The following RGS6 variants were observed in gnomAD, a reference collection of about 807,000 sequenced individuals.
RGS6 encodes the protein regulator of G protein signaling 6.
A neutral mutation model predicts 78.5 loss-of-function variants in RGS6; 30 were observed. The ratio of observed to expected loss-of-function variants is 0.38; its 90% CI spans 0.29 to 0.52. RGS6 has a LOEUF of 0.52. Ranked by LOEUF, RGS6 falls within the 20% of genes least tolerant of loss-of-function variation. The pLI is 0.85. For missense variants in RGS6, 495 were observed against 609.7 expected (o/e 0.81, Z 1.98); for synonymous variants, 206 against 206.0 (o/e 1.00, Z 0.00).
intron 2 of RGS6, among the ~76,000 whole-genome samples, chr14:72,145,182 C>T (rs909666443): frequency 2.0e-5 from 3 of 152,076 alleles, no homozygotes; most frequent in Non-Finnish European, 4.4e-5. Context: ...TCCCCAGGAG[C>T]AATTTGGGGA....
intron 2 of RGS6, among the ~76,000 whole-genome samples, chr14:72,241,896 C>A (rs897704394): frequency 4.6e-5 from 7 of 152,198 alleles, no homozygotes; most frequent in African/African-American, 1.4e-4. Context: ...GCGGCCATGC[C>A]ATTTAATATA....
At chr14:72,484,314 T>TTTGA (rs1346713641) in intron 12 of RGS6, among the ~76,000 whole-genome samples, 1 of 152,182 alleles carries the variant, frequency 6.6e-6, no homozygotes, top group Non-Finnish European at 1.5e-5. Flanking sequence ...ATTTTGTTTG[T>TTTGA]TTGTTTGTTT....
At chr14:72,382,420 G>GA (rs1281392141) in intron 3 of RGS6, among the ~76,000 whole-genome samples, 1 of 152,074 alleles carries the variant, frequency 6.6e-6, no homozygotes, top group Non-Finnish European at 1.5e-5. Flanking sequence ...CACTAAACTG[G>GA]AAAAAATTAG....
At chr14:72,196,285 G>A (rs1248729581) in intron 2 of RGS6, among the ~76,000 whole-genome samples, 1 of 152,150 alleles carries the variant, frequency 6.6e-6, no homozygotes, top group African/African-American at 2.4e-5. Flanking sequence ...GAGATGGAGA[G>A]GAGAGGCTGT....
chr14:72,331,626 TCTCTCTCTCCATTCCAGTCATTCA>T (rs1035117871), intron 2 of RGS6, among the ~76,000 whole-genome samples: 3 of 152,172 alleles, frequency 2.0e-5, no homozygotes, highest in African/African-American at 7.2e-5. Flanking sequence ...ATCCTCTCTC[TCTCTCTCTCCATTCCAGTCATTCA>T]CTCTCTCCCC....
At position 72,466,156 on chromosome 14, in the gene RGS6, G is replaced by A. The variant is rs74380187; in HGVS notation, c.459+334G>A. Among the ~76,000 whole-genome samples, 1,162 of 152,272 alleles carry A rather than the reference G, an allele frequency of 7.6e-3. 14 individuals carry two copies. The highest frequency in any genetic ancestry group is 0.027 in the African/African-American group (1,102 of 41,552). On this transcript the variant is annotated intron_variant, in intron 7 of 17. Coordinates refer to ENST00000553525, the MANE Select transcript of RGS6 (RefSeq NM_001204424.2). ...GATGTCCAATATTATTAGCCATTTA[G>A]GAAATGCAGATTAAATCCGTGGTGA...
chr14:72,562,795 G>A lies in RGS6; in HGVS notation c.*328G>A, dbSNP rs781671647. ...GAACACGTCGTGGGGTTCCTGTCACGACTATCACTTGAGATTATATTATTA... is the reference window on the plus strand; with the variant it reads ...GAACACGTCGTGGGGTTCCTGTCACAACTATCACTTGAGATTATATTATTA... On this transcript the variant is annotated 3_prime_UTR_variant, in exon 18 of 18. Coordinates refer to ENST00000553525, the MANE Select transcript of RGS6 (RefSeq NM_001204424.2). The A allele has an allele frequency of 3.8e-4, 565 of 1,472,720 alleles. No homozygotes were observed. Among genetic ancestry groups the A allele is most frequent in the Non-Finnish European group, 4.6e-4 (502 of 1,089,282 alleles). 91.2% of individuals were successfully genotyped at this position (1,472,720 alleles called of 1,614,324 possible).
intron 2 of RGS6, among the ~76,000 whole-genome samples, chr14:72,010,279 G>A (rs1020337284): frequency 6.6e-6 from 1 of 152,022 alleles, no homozygotes; most frequent in African/African-American, 2.4e-5. Context: ...TCATATGATT[G>A]CCTTGAGGAA....
intron 2 of RGS6, among the ~76,000 whole-genome samples, chr14:72,087,543 G>A (rs1016333977): frequency 6.6e-6 from 1 of 152,012 alleles, no homozygotes; most frequent in African/African-American, 2.4e-5. Context: ...ACTAATGACT[G>A]TGAGTGAAAA....
intron 3 of RGS6, among the ~76,000 whole-genome samples, chr14:72,407,948 C>A (rs899780037): frequency 6.6e-6 from 1 of 152,204 alleles, no homozygotes; most frequent in Non-Finnish European, 1.5e-5. Flanking sequence ...AACTATGAAA[C>A]CTCCAGGCTT....
intron 12 of RGS6, among the ~76,000 whole-genome samples, chr14:72,493,469 A>G (rs1019961506): frequency 1.3e-5 from 2 of 150,628 alleles, no homozygotes; most frequent in African/African-American, 4.9e-5. Context: ...GGGAGGGAAA[A>G]TAAACAATTC....
At chr14:72,544,366 C>G (rs2097364752) in intron 17 of RGS6, among the ~76,000 whole-genome samples, 1 of 152,196 alleles carries the variant, frequency 6.6e-6, no homozygotes, top group Non-Finnish European at 1.5e-5. Flanking sequence ...TGGTGTCAGC[C>G]TCCCTGGGTA....
intron 2 of RGS6, among the ~76,000 whole-genome samples, chr14:71,979,826 CT>C (rs1321794877): frequency 6.6e-6 from 1 of 151,796 alleles, no homozygotes; most frequent in Admixed American, 6.6e-5. Flanking sequence ...TGTGGACTTT[CT>C]ATCTCATTGA....
chr14:72,536,124 T>C, intron 15 of RGS6, 62 bp from the exon 16 acceptor site: 1 of 1,225,314 alleles, frequency 8.2e-7, no homozygotes, highest in Non-Finnish European at 1.2e-6. Flanking sequence ...AATTGGATTG[T>C]AATATTCTTT....
At chr14:72,350,520 G>A (rs1345521795) in intron 2 of RGS6, among the ~76,000 whole-genome samples, 1 of 152,162 alleles carries the variant, frequency 6.6e-6, no homozygotes, top group Non-Finnish European at 1.5e-5. Flanking sequence ...TCTGGCCAAG[G>A]ATTGTGAGCA....
the RGS6 span, among the ~76,000 whole-genome samples, chr14:72,590,425 T>C: frequency 6.6e-6 from 1 of 152,174 alleles, no homozygotes; most frequent in African/African-American, 2.4e-5. Flanking sequence ...AAATTGTGGC[T>C]CGTTCATATA....
intron 17 of RGS6, among the ~76,000 whole-genome samples, chr14:72,551,188 A>G (rs2097501698): frequency 6.6e-6 from 1 of 152,094 alleles, no homozygotes; most frequent in African/African-American, 2.4e-5. Context: ...CATGAGAAGG[A>G]CCATCAAGGA....
rs77099684 is a variant in RGS6 at position 72,286,344 on chromosome 14, G to C, written c.85-65751G>C. ...ATATGCATGAATTTATTGCTCCACT[G>C]TCTCTTCTGTTCCATTGATCTATAT... On this transcript the variant is annotated intron_variant, in intron 2 of 17. Transcript: ENST00000553525. Among the ~76,000 whole-genome samples, 1,420 of 152,228 alleles carry C rather than the reference G, an allele frequency of 9.3e-3. 11 individuals are homozygous for C. Among genetic ancestry groups the C allele is most frequent in the South Asian group, 0.023 (112 of 4,824 alleles).
intron 2 of RGS6, among the ~76,000 whole-genome samples, chr14:72,205,320 C>G (rs1438430657): frequency 6.6e-6 from 1 of 152,288 alleles, no homozygotes; most frequent in East Asian, 1.9e-4. Flanking sequence ...TGTGTCCGCC[C>G]TCTTTCCTGG....
Sources: gnomAD v4.1 joint callset for allele counts (sites outside exome capture counted in the v4.1 genomes callset) on GRCh38, gnomAD v4.1.1 for gene constraint, MANE v1.5 for transcripts, NCBI Gene and HGNC (gene_info 2026-07-23, HGNC 2026-07-21) for gene names.